The following PPP2R5B variants were observed in gnomAD, a reference collection of about 807,000 sequenced individuals.
The protein encoded by PPP2R5B is serine/threonine-protein phosphatase 2A 56 kDa regulatory subunit beta isoform.
In PPP2R5B, 19 loss-of-function variants were observed where a neutral mutation model predicts 59.9. That is an observed-to-expected ratio of 0.32 (90% confidence interval 0.22 to 0.47). PPP2R5B has a LOEUF of 0.47. PPP2R5B is among the 20% of genes least tolerant of loss of function. The pLI is 1.00. For missense variants in PPP2R5B, 441 were observed against 640.2 expected (o/e 0.69, Z 3.36); for synonymous variants, 286 against 260.5 (o/e 1.10, Z -0.94).
chr11:64,932,145 A>G (rs1381860089), intron 11 of PPP2R5B, among the ~76,000 whole-genome samples: 1 of 152,198 alleles, frequency 6.6e-6, no homozygotes, highest in Non-Finnish European at 1.5e-5. Flanking sequence ...GGGGATAAGG[A>G]TGGAAGAGAT....
intron 6 of PPP2R5B, 112 bp downstream of exon 6, chr11:64,928,537 G>A: frequency 6.6e-7 from 1 of 1,508,800 alleles, no homozygotes; most frequent in Non-Finnish European, 9.0e-7. Flanking sequence ...AGCACTTTGG[G>A]AGGCCGAGGT....
chr11:64,926,991 A>G, intron 3 of PPP2R5B, 83 bp downstream of exon 3: 1 of 1,484,954 alleles, frequency 6.7e-7, no homozygotes, highest in Non-Finnish European at 9.1e-7. Flanking sequence ...CCCTGCGTGG[A>G]GAATAACCCT....
In PPP2R5B at chr11:64,931,130, C is replaced by T. The variant is rs560709701; in HGVS notation, c.892-306C>T. Among the ~76,000 whole-genome samples, 25 of 152,246 alleles carry T rather than the reference C, an allele frequency of 1.6e-4. No individual in the cohort carries two copies. Among genetic ancestry groups the T allele is most frequent in the African/African-American group, 2.4e-5 (1 of 41,540 alleles). ...TCCCAGGCTCAAGTGATTCTGCTGCCTCGGCCTCCCAAAGTGCTTGGATTA... is the reference window on the plus strand; with the variant it reads ...TCCCAGGCTCAAGTGATTCTGCTGCTTCGGCCTCCCAAAGTGCTTGGATTA... On this transcript the variant is annotated intron_variant, in intron 8 of 13. Coordinates refer to ENST00000164133, the MANE Select transcript of PPP2R5B (RefSeq NM_006244.4). The surrounding 1 kb of genome is among the most constrained non-coding windows in gnomAD (Gnocchi z 5.0).
intron 3 of PPP2R5B, among the ~76,000 whole-genome samples, chr11:64,927,548 T>G (rs885999): frequency 0.049 from 7,390 of 152,004 alleles, 211 homozygotes; most frequent in Middle Eastern, 0.068. Flanking sequence ...CTACAAAAAT[T>G]TAAAAATTTG....
intron 13 of PPP2R5B, 147 bp downstream of exon 13, chr11:64,933,393 C>A: frequency 1.4e-6 from 1 of 740,654 alleles, no homozygotes; most frequent in Non-Finnish European, 2.3e-6. Flanking sequence ...CTATGCCTGA[C>A]TGTCTGCCCC....
At chr11:64,921,847 G>A (rs1411560854), upstream of PPP2R5B, among the ~76,000 whole-genome samples, 1 of 152,228 alleles carries the variant, frequency 6.6e-6, no homozygotes, top group Non-Finnish European at 1.5e-5. Context: ...TTGTACAACT[G>A]AAATTGGTGA....
chr11:64,921,887 G>A (rs144931708), upstream of PPP2R5B, among the ~76,000 whole-genome samples: 17 of 152,222 alleles, frequency 1.1e-4, no homozygotes, highest in African/African-American at 3.9e-4. Flanking sequence ...TACATCTTTC[G>A]TTGCATATAA....
At chr11:64,922,255 G>A (rs529423512), upstream of PPP2R5B, among the ~76,000 whole-genome samples, 8 of 152,106 alleles carry the variant, frequency 5.3e-5, no homozygotes, top group East Asian at 1.9e-4. Context: ...AGGCTGAGGC[G>A]AATGGATCGC....
In PPP2R5B at chr11:64,930,563, A is replaced by G; in HGVS notation, c.865A>G (p.Lys289Glu). ...CGTCCTGATCCCCCTGCACTCTGTCAAGTCGCTGTCTGTCTTCCATGCCCA... is the reference window on the plus strand; with the variant it reads ...CGTCCTGATCCCCCTGCACTCTGTCGAGTCGCTGTCTGTCTTCCATGCCCA... Reference protein sequence around the residue: ...VRVLIPLHSVKSLSVFHAQLA... With the variant: ...VRVLIPLHSVESLSVFHAQLA... Residue 289 changes from lysine (K) to glutamate (E), a missense_variant, in exon 8 of 14, where the codon AAG becomes GAG. Lys to Glu is a moderately conservative substitution (Grantham distance 56). Transcript: ENST00000164133. 1 of 1,614,134 alleles carries G rather than the reference A, an allele frequency of 6.2e-7. No individual in the cohort carries two copies. Among genetic ancestry groups the G allele is most frequent in the Non-Finnish European group, 8.5e-7 (1 of 1,179,992 alleles).
At chr11:64,924,624 CTT>C (rs1432511492), upstream of PPP2R5B, 1 of 152,366 alleles carries the variant, frequency 6.6e-6, no homozygotes, top group African/African-American at 2.4e-5. Context: ...GGCCCCGGGC[CTT>C]CCTGACGCAG....
Position 64,927,826 on chromosome 11 carries a change from C to G in PPP2R5B, c.421C>G (p.Leu141Val). The change falls in exon 4 of 14, where the codon CTG (leucine) becomes GTG (valine). Residue 141 changes from leucine (L) to valine (V), a missense_variant. Physicochemically the swap from Leu to Val is conservative, Grantham distance 32 (BLOSUM62 1). Around this residue, in one of 3 missense-constraint regions of PPP2R5B, gnomAD observed 268 missense variants for 488.1 expected, o/e 0.55. Transcript: ENST00000164133. Reference protein sequence around the residue: ...RMISVNIFRTLPPSENPEFDP... With the variant: ...RMISVNIFRTVPPSENPEFDP... ...GATCTCAGTGAATATCTTCCGGACT[C>G]TGCCGCCCAGTGAGAACCCTGAATT... is the stretch of plus-strand genomic sequence containing the variant. 6.2e-7 allele frequency: 1 copy of G among 1,611,694 alleles called. No homozygotes were observed. The highest frequency in any genetic ancestry group is 8.5e-7 in the Non-Finnish European group (1 of 1,177,774).
At chr11:64,921,324 A>G (rs1325305300), upstream of PPP2R5B, among the ~76,000 whole-genome samples, 3 of 16,410 alleles carry the variant, frequency 1.8e-4, no homozygotes, top group East Asian at 0.01. Flanking sequence ...CTACTGGACA[A>G]CTGGATTCCA....
chr11:64,927,928 G>C, intron 4 of PPP2R5B, 25 bp downstream of exon 4: 1 of 1,579,896 alleles, frequency 6.3e-7, no homozygotes, highest in Non-Finnish European at 8.7e-7. Flanking sequence ...GGAAGACAGA[G>C]ATCCAAGTTT....
chr11:64,933,812 C>A lies in PPP2R5B; in HGVS notation c.1462C>A (p.Pro488Thr), dbSNP rs1382941140. ...GGAGGCCCCCCTCCAGCGGCTTACACCCCAGGTGGCCGCCAGTGGGGGTCA... is the reference window on the plus strand; with the variant it reads ...GGAGGCCCCCCTCCAGCGGCTTACAACCCAGGTGGCCGCCAGTGGGGGTCA... ...AKEAPLQRLT[P>T]QVAASGGQS Residue 488 changes from proline to threonine, a missense_variant, in exon 14 of 14, where the codon CCC (proline) becomes ACC (threonine). By Grantham distance (38) the Pro-to-Thr change is conservative. Around this residue, in one of 3 missense-constraint regions of PPP2R5B, gnomAD observed 70 missense variants for 64.2 expected, o/e 1.09. Transcript: ENST00000164133. 2 of 1,549,564 alleles carry A rather than the reference C, an allele frequency of 1.3e-6. No individual in the cohort carries two copies. Among genetic ancestry groups the A allele is most frequent in the East Asian group, 2.4e-5 (1 of 41,156 alleles).
At chr11:64,927,757 G>T (rs1945183878) in intron 3 of PPP2R5B, 45 bp from the exon 4 acceptor site, 11 of 1,374,860 alleles carry the variant, frequency 8.0e-6, no homozygotes, top group Non-Finnish European at 1.0e-5. Flanking sequence ...CCTGGCTTCT[G>T]TCTTCAAGGG....
At chr11:64,924,305 G>A (rs556774900), upstream of PPP2R5B, 1 of 152,596 alleles carries the variant, frequency 6.6e-6, no homozygotes, top group East Asian at 1.9e-4. Context: ...GTAAGGGTGA[G>A]GTTCCTGGGG....
chr11:64,931,145 T>C lies in PPP2R5B; in HGVS notation c.892-291T>C, dbSNP rs1590679813. Among the ~76,000 whole-genome samples, 1 of 152,186 alleles carries C rather than the reference T, an allele frequency of 6.6e-6. No homozygotes were observed. Among genetic ancestry groups the C allele is most frequent in the Middle Eastern group, 3.4e-3 (1 of 294 alleles). On this transcript the variant is annotated intron_variant, in intron 8 of 13. Coordinates refer to ENST00000164133, the MANE Select transcript of PPP2R5B (RefSeq NM_006244.4). This position sits in a 1 kb window ranked among gnomAD's most constrained non-coding sequence, Gnocchi z 5.0. ...ATTCTGCTGCCTCGGCCTCCCAAAGTGCTTGGATTACAGGCGTGAGCCACC... is the reference window on the plus strand; with the variant it reads ...ATTCTGCTGCCTCGGCCTCCCAAAGCGCTTGGATTACAGGCGTGAGCCACC...
intron 1 of PPP2R5B, chr11:64,918,463 T>C (rs1945067720): frequency 6.6e-6 from 1 of 152,194 alleles, no homozygotes; most frequent in African/African-American, 2.4e-5. Flanking sequence ...GTTCAAATGA[T>C]TCTGCTGCCT....
At chr11:64,921,923 T>C (rs1462097335), upstream of PPP2R5B, among the ~76,000 whole-genome samples, 1 of 152,210 alleles carries the variant, frequency 6.6e-6, no homozygotes, top group Admixed American at 6.5e-5. Flanking sequence ...TTCGTTTAAA[T>C]TGTGGTAAAA....
Sources: allele counts gnomAD v4.1 joint callset (sites outside exome capture counted in the v4.1 genomes callset), GRCh38; gene constraint gnomAD v4.1.1; regional missense constraint gnomAD v4.1.1; non-coding constraint Gnocchi (gnomAD v3.1); transcripts MANE v1.5; gene names NCBI Gene and HGNC (gene_info 2026-07-23, HGNC 2026-07-21).